Variants in NRXN3 observed in about 807,000 individuals in gnomAD.
NRXN3 encodes neurexin III.
NRXN3 carries 32 observed loss-of-function variants against 137.6 expected under a neutral mutation model. The ratio of observed to expected loss-of-function variants is 0.23; its 90% CI spans 0.18 to 0.31. The LOEUF (loss-of-function observed/expected upper bound fraction) is 0.31. Among genes scored for constraint, NRXN3 ranks in the 10% least tolerant of loss-of-function variants. NRXN3 has a pLI of 1.00. For synonymous variants in NRXN3, 798 were observed against 784.5 expected (o/e 1.02, Z -0.29); for missense variants, 1,574 against 2,062.5 (o/e 0.76, Z 4.59).
At chr14:78,226,638 A>G (rs1366572059) in intron 1 of NRXN3, among the ~76,000 whole-genome samples, 3 of 152,234 alleles carry the variant, frequency 2.0e-5, no homozygotes, top group African/African-American at 7.2e-5. Flanking sequence ...TAAATAAAGG[A>G]CCATAAACAT....
intron 4 of NRXN3, among the ~76,000 whole-genome samples, chr14:78,362,941 T>A (rs1472169054): frequency 6.6e-6 from 1 of 152,164 alleles, no homozygotes; most frequent in Admixed American, 6.5e-5. Flanking sequence ...CTTGAGTCCA[T>A]AGGTATTGCA....
intron 19 of NRXN3, among the ~76,000 whole-genome samples, chr14:79,705,375 T>G (rs1456006852): frequency 1.3e-5 from 2 of 152,172 alleles, no homozygotes; most frequent in African/African-American, 4.8e-5. Context: ...CACACAGGTC[T>G]TCTTGATCCT....
chr14:78,590,741 T>C (rs1056431486), intron 4 of NRXN3, among the ~76,000 whole-genome samples: 1 of 151,952 alleles, frequency 6.6e-6, no homozygotes, highest in African/African-American at 2.4e-5. Flanking sequence ...TGGCAAAACC[T>C]TCTCTCTACT....
chr14:78,868,951 A>G (rs2099094587), intron 10 of NRXN3, among the ~76,000 whole-genome samples: 1 of 152,216 alleles, frequency 6.6e-6, no homozygotes, highest in African/African-American at 2.4e-5. Flanking sequence ...AGAGCCAAAG[A>G]CTCAGTTACG....
intron 4 of NRXN3, among the ~76,000 whole-genome samples, chr14:78,442,805 C>A (rs1003432274): frequency 2.0e-5 from 3 of 152,108 alleles, no homozygotes; most frequent in African/African-American, 7.2e-5. Context: ...AAGGACAGGG[C>A]CTTGTCATGT....
At chr14:79,830,012 T>A (rs189093907) in intron 20 of NRXN3, among the ~76,000 whole-genome samples, 9 of 152,320 alleles carry the variant, frequency 5.9e-5, no homozygotes, top group Non-Finnish European at 1.2e-4. Flanking sequence ...AGTGATGAAA[T>A]CCATTCATGC....
chr14:79,220,576 T>C (rs2069406870), intron 15 of NRXN3, among the ~76,000 whole-genome samples: 1 of 152,164 alleles, frequency 6.6e-6, no homozygotes, highest in Non-Finnish European at 1.5e-5. Context: ...AAGTTCTCTG[T>C]GCTGTGCTTC....
intron 1 of NRXN3, among the ~76,000 whole-genome samples, chr14:78,225,674 C>T (rs1005064939): frequency 9.2e-5 from 14 of 152,108 alleles, no homozygotes; most frequent in African/African-American, 2.7e-4. Flanking sequence ...TCCCACTATT[C>T]GCTCCCACCC....
rs78095235 is a variant in NRXN3 at position 79,612,237 on chromosome 14, C to A, written c.3445-51541C>A. Reference sequence around the variant, plus strand: ...ATTATCACCTATATTTATGGTTTTTCAATCATTTGTGAGTGCTTGGAGGAA... The same window carrying A: ...ATTATCACCTATATTTATGGTTTTTAAATCATTTGTGAGTGCTTGGAGGAA... On this transcript the variant is annotated intron_variant, in intron 16 of 20. Coordinates refer to ENST00000335750, the MANE Select transcript of NRXN3 (RefSeq NM_001330195.2). Among the ~76,000 whole-genome samples the A allele has an allele frequency of 5.1e-3, 778 of 152,232 alleles. 4 individuals carry two copies. The highest frequency in any genetic ancestry group is 0.018 in the African/African-American group (754 of 41,526).
chr14:78,837,121 G>A (rs538046407), intron 10 of NRXN3, among the ~76,000 whole-genome samples: 35 of 152,286 alleles, frequency 2.3e-4, no homozygotes, highest in African/African-American at 7.9e-4. Flanking sequence ...TGAATGAAAA[G>A]TGAGATTGTG....
intron 15 of NRXN3, among the ~76,000 whole-genome samples, chr14:79,162,555 T>C (rs948931664): frequency 1.3e-5 from 2 of 151,706 alleles, no homozygotes; most frequent in African/African-American, 4.8e-5. Flanking sequence ...AACAGACACT[T>C]CTCAAAAGAA....
chr14:79,667,456 A>G (rs904498713), intron 17 of NRXN3, among the ~76,000 whole-genome samples: 2 of 152,062 alleles, frequency 1.3e-5, no homozygotes, highest in Non-Finnish European at 2.9e-5. Context: ...TCATCTCCAC[A>G]GTCTTCTCAT....
chr14:79,280,835 C>T (rs546882258), intron 15 of NRXN3: 180 of 347,454 alleles, frequency 5.2e-4, no homozygotes, highest in African/African-American at 3.6e-3. Context: ...TCTACTCTCT[C>T]CACCCCCACG....
chr14:78,999,901 G>A (rs2099537933), intron 15 of NRXN3, among the ~76,000 whole-genome samples: 1 of 152,154 alleles, frequency 6.6e-6, no homozygotes, highest in African/African-American at 2.4e-5. Flanking sequence ...GTGATCGAGT[G>A]AGATAGTAGA....
At chr14:79,459,702 TATATA>T (rs2096303086) in intron 15 of NRXN3, among the ~76,000 whole-genome samples, 1 of 151,998 alleles carries the variant, frequency 6.6e-6, no homozygotes, top group Non-Finnish European at 1.5e-5. Context: ...TATACTAAGA[TATATA>T]ATAAATAATA....
intron 15 of NRXN3, among the ~76,000 whole-genome samples, chr14:79,450,119 T>C (rs2096141691): frequency 6.6e-6 from 1 of 151,090 alleles, no homozygotes; most frequent in African/African-American, 2.4e-5. Context: ...ACTCCCTCTC[T>C]CTCTCTAAGT....
At chr14:79,676,742 A>G (rs1324219443) in intron 17 of NRXN3, among the ~76,000 whole-genome samples, 2 of 151,932 alleles carry the variant, frequency 1.3e-5, no homozygotes, top group Non-Finnish European at 2.9e-5. Flanking sequence ...TACTTTTTTT[A>G]AAAGCCAAAC....
chr14:79,830,463 A>C (rs1386437008), intron 20 of NRXN3, among the ~76,000 whole-genome samples: 7 of 152,158 alleles, frequency 4.6e-5, no homozygotes, highest in Admixed American at 2.0e-4. Context: ...TGATAGAGGA[A>C]CCAAGTAAGA....
rs1000366004 is a variant in NRXN3, at chr14:78,614,265, T to C, written c.758-30855T>C. On this transcript the variant is annotated intron_variant, in intron 4 of 20. Transcript: ENST00000335750. ...TTGGTGAGTCATATGTGGCATGAGC[T>C]GGTAGTTCTTCACAGTAGGGCATGT... Among the ~76,000 whole-genome samples, 5 of 152,178 alleles carry C rather than the reference T, an allele frequency of 3.3e-5. No homozygotes were observed. The East Asian group carries it at 9.6e-4, about 29-fold the overall frequency.
Sources: gnomAD v4.1 joint callset for allele counts (sites outside exome capture counted in the v4.1 genomes callset) on GRCh38, gnomAD v4.1.1 for gene constraint, MANE v1.5 for transcripts, NCBI Gene and HGNC (gene_info 2026-07-23, HGNC 2026-07-21) for gene names.